The following IGF2BP1 variants were observed in gnomAD, a reference collection of about 807,000 sequenced individuals.
The protein encoded by IGF2BP1 is insulin like growth factor 2 mRNA binding protein 1.
IGF2BP1 carries 11 observed loss-of-function variants against 74.9 expected under a neutral mutation model. The ratio of observed to expected loss-of-function variants is 0.15; its 90% CI spans 0.09 to 0.24. The LOEUF (loss-of-function observed/expected upper bound fraction) is 0.24. Ranked by LOEUF, IGF2BP1 falls within the 10% of genes least tolerant of loss-of-function variation. IGF2BP1 has a pLI of 1.00. For missense variants in IGF2BP1, 440 were observed against 757.4 expected (o/e 0.58, Z 4.92); for synonymous variants, 287 against 281.8 (o/e 1.02, Z -0.18).
intron 6 of IGF2BP1, among the ~76,000 whole-genome samples, chr17:49,039,716 C>T (rs902249103): frequency 6.6e-5 from 10 of 152,180 alleles, no homozygotes; most frequent in Admixed American, 2.6e-4. Flanking sequence ...CGTGAGCTCC[C>T]GTGCCTGGCC....
chr17:49,023,867 G>A (rs1387787252), intron 2 of IGF2BP1, among the ~76,000 whole-genome samples: 1 of 150,694 alleles, frequency 6.6e-6, no homozygotes, highest in Admixed American at 6.6e-5. Context: ...GGTGGTGAGC[G>A]AGTGATCTGG....
chr17:48,997,657 CCT>C lies in IGF2BP1; in HGVS notation c.-85_-84del. 1 of 1,389,546 alleles carries C rather than the reference CCT, an allele frequency of 7.2e-7. No individual in the cohort carries two copies. Among genetic ancestry groups the C allele is most frequent in the Non-Finnish European group, 9.9e-7 (1 of 1,014,134 alleles). 86.1% of individuals were successfully genotyped at this position (1,389,546 alleles called of 1,614,324 possible). A position where few individuals can be genotyped will look rare whatever the true frequency, so the allele number is the denominator to read the frequency against. On this transcript the variant is annotated 5_prime_UTR_variant, in exon 1 of 15. Transcript: ENST00000290341. This position sits in a 1 kb window ranked among gnomAD's most constrained non-coding sequence, Gnocchi z 4.8. Reference sequence around the variant, plus strand: ...GAAAGTTTGCGGCTCCTGCCGCCGGCCTCTCCGCCTCTTGGCCTAGGAGGCTC... The same window carrying C: ...GAAAGTTTGCGGCTCCTGCCGCCGGCCTCCGCCTCTTGGCCTAGGAGGCTC...
chr17:49,029,125 C>T lies in IGF2BP1; in HGVS notation c.337+2608C>T, dbSNP rs116429220. 3.1e-3 allele frequency among the ~76,000 whole-genome samples: 479 copies of T among 152,128 alleles called. 2 individuals carry two copies. Among genetic ancestry groups the T allele is most frequent in the African/African-American group, 0.011 (462 of 41,484 alleles). On this transcript the variant is annotated intron_variant, in intron 4 of 14. Transcript: ENST00000290341. ...TGGCCTCATCTGATTTATATTTTTC[C>T]ATAGCAGTCATCACTGTCAAATATT...
chr17:49,048,660 G>A (rs963320908), intron 14 of IGF2BP1, among the ~76,000 whole-genome samples: 23 of 152,032 alleles, frequency 1.5e-4, no homozygotes, highest in African/African-American at 5.3e-4. Context: ...CCCAAACCCC[G>A]GGCCACGGAC....
rs1175033323 is a variant in IGF2BP1 at position 49,054,112 on chromosome 17, CG to C, written c.*4672del. 6 of 152,770 alleles carry C rather than the reference CG, an allele frequency of 3.9e-5. No homozygotes were observed. In the East Asian group the frequency reaches 1.2e-3, roughly 29 times the overall value. The allele number at this position is 152,770 out of a possible 1,614,324, so 9.5% of individuals were successfully genotyped here. A position where few individuals can be genotyped will look rare whatever the true frequency, so the allele number is the denominator to read the frequency against. Reference sequence around the variant, plus strand: ...CTTTGGATACATAAGGCTTCTCTATCGGGGTACGGGACAGGGAGGAGGCCTC... The same window carrying C: ...CTTTGGATACATAAGGCTTCTCTATCGGGTACGGGACAGGGAGGAGGCCTC... On this transcript the variant is annotated 3_prime_UTR_variant, in exon 15 of 15. Transcript: ENST00000290341.
At chr17:48,998,258 C>A (rs1227292029) in intron 1 of IGF2BP1, among the ~76,000 whole-genome samples, 1 of 152,116 alleles carries the variant, frequency 6.6e-6, no homozygotes, top group Non-Finnish European at 1.5e-5. Context: ...CCTGGCTGGG[C>A]GTTATTTCCA....
rs2041428760 is a variant in IGF2BP1 at position 48,997,977 on chromosome 17, C to T, written c.175+57C>T. 6.4e-7 allele frequency: 1 copy of T among 1,563,026 alleles called. No homozygotes were observed. The highest frequency in any genetic ancestry group is 8.7e-7 in the Non-Finnish European group (1 of 1,148,716). ...CAACGAGAGCCCCGAACAACGGAGA[C>T]CCGCACCTTCCGGTTCCTCTCCCGC... On this transcript the variant is annotated intron_variant, in intron 1 of 14. Transcript: ENST00000290341. The surrounding 1 kb of genome is among the most constrained non-coding windows in gnomAD (Gnocchi z 4.8).
Position 49,031,992 on chromosome 17 carries a change from G to C in IGF2BP1, c.401+19G>C. ...CCAGGCAGTGAGTGGGCTGGGAAGT[G>C]GGGCTGGGTGCGGTGGGGGGGGGTT... On this transcript the variant is annotated intron_variant, in intron 5 of 14. Transcript: ENST00000290341. 6.3e-7 allele frequency: 1 copy of C among 1,595,604 alleles called. No individual in the cohort carries two copies. Among genetic ancestry groups the C allele is most frequent in the Non-Finnish European group, 8.6e-7 (1 of 1,168,800 alleles).
At chr17:49,048,338 C>T (rs1261896110) in intron 14 of IGF2BP1, among the ~76,000 whole-genome samples, 3 of 151,306 alleles carry the variant, frequency 2.0e-5, no homozygotes, top group Non-Finnish European at 2.9e-5. Flanking sequence ...CTGCAACTTC[C>T]GCCTCCCCTG....
At chr17:48,998,014 TTCCCGGGCCTGC>T in intron 1 of IGF2BP1, 94 bp downstream of exon 1, 1 of 1,418,258 alleles carries the variant, frequency 7.1e-7, no homozygotes, top group Non-Finnish European at 9.6e-7. Context: ...AACTCCTCTC[TTCCCGGGCCTGC>T]GGGGTTTGGC....
chr17:49,010,966 G>A (rs2041609650), intron 2 of IGF2BP1, among the ~76,000 whole-genome samples: 1 of 151,240 alleles, frequency 6.6e-6, no homozygotes, highest in Non-Finnish European at 1.5e-5. Flanking sequence ...TTGAAACCCC[G>A]TCTCTACTAA....
In IGF2BP1 at chr17:48,997,916, C is replaced by A. The variant is rs987277426; in HGVS notation, c.171C>A (p.Phe57Leu). The part of the protein sequence containing the change: ...EHWAMKAIET[F>L]SGKVELQGKR... ...GGGCGATGAAGGCCATCGAAACTTT[C>A]TCCGGTAAGAACACAGCCACCTCCC... is the stretch of plus-strand genomic sequence containing the variant. Residue 57 changes from phenylalanine to leucine, a missense_variant, in exon 1 of 15, where the codon TTC (phenylalanine) becomes TTA (leucine). Coordinates refer to ENST00000290341, the MANE Select transcript of IGF2BP1 (RefSeq NM_006546.4). This position sits in a 1 kb window ranked among gnomAD's most constrained non-coding sequence, Gnocchi z 4.8. 2 of 1,613,818 alleles carry A rather than the reference C, an allele frequency of 1.2e-6. No homozygotes were observed. The highest frequency in any genetic ancestry group is 1.7e-5 in the Admixed American group (1 of 59,954).
chr17:49,013,205 C>CTT (rs946343685), intron 2 of IGF2BP1, among the ~76,000 whole-genome samples: 3 of 148,208 alleles, frequency 2.0e-5, no homozygotes, highest in African/African-American at 7.6e-5. Context: ...CCCAAAAGGG[C>CTT]TGAAAGGTCA....
At chr17:49,043,295 T>C in intron 9 of IGF2BP1, 133 bp from the exon 10 acceptor site, 2 of 1,022,414 alleles carry the variant, frequency 2.0e-6, no homozygotes, top group Non-Finnish European at 2.9e-6. Flanking sequence ...CAGAATAGGC[T>C]TTTGTGGAAA....
Position 49,041,663 on chromosome 17 carries a change from G to A in IGF2BP1, c.941+163G>A, listed in dbSNP as rs150376432. ...GGTAAAGAGCATTTAAAAAATCCCTGTAAGGACTGGATCTGCCCATTCCCA... is the reference window on the plus strand; with the variant it reads ...GGTAAAGAGCATTTAAAAAATCCCTATAAGGACTGGATCTGCCCATTCCCA... On this transcript the variant is annotated intron_variant, in intron 8 of 14. Coordinates refer to ENST00000290341, the MANE Select transcript of IGF2BP1 (RefSeq NM_006546.4). Among the ~76,000 whole-genome samples the A allele has an allele frequency of 2.6e-5, 4 of 152,306 alleles. No individual in the cohort carries two copies. In the East Asian group the frequency reaches 7.7e-4, roughly 29 times the overall value.
chr17:49,045,799 A>G, intron 12 of IGF2BP1, 91 bp from the exon 13 acceptor site: 6 of 1,436,112 alleles, frequency 4.2e-6, no homozygotes, highest in Non-Finnish European at 5.7e-6. Flanking sequence ...CCTGTGGGCC[A>G]GAAAATATGG....
chr17:49,049,198 C>T (rs1486611304), intron 14 of IGF2BP1, among the ~76,000 whole-genome samples, 154 bp from the exon 15 acceptor site: 1 of 152,140 alleles, frequency 6.6e-6, no homozygotes, highest in South Asian at 2.1e-4. Context: ...AATGTAAGGT[C>T]ACCCCAACCC....
At position 48,997,601 on chromosome 17, in the gene IGF2BP1, G is replaced by A. The variant is rs1598115557; in HGVS notation, c.-145G>A. On this transcript the variant is annotated 5_prime_UTR_variant, in exon 1 of 15. Coordinates refer to ENST00000290341, the MANE Select transcript of IGF2BP1 (RefSeq NM_006546.4). The surrounding 1 kb of genome is among the most constrained non-coding windows in gnomAD (Gnocchi z 4.8). ...CCTCAGGCCGCCTTCCCCGCCCTGG[G>A]CTCGGGACAACTTCTGGGGTGGGGT... 8.2e-6 allele frequency: 7 copies of A among 855,364 alleles called. No homozygotes were observed. Among genetic ancestry groups the A allele is most frequent in the East Asian group, 2.7e-5 (1 of 37,126 alleles). The allele number at this position is 855,364 out of a possible 1,614,324, so 53.0% of individuals were successfully genotyped here. A position where few individuals can be genotyped will look rare whatever the true frequency, so the allele number is the denominator to read the frequency against.
At position 49,046,388 on chromosome 17, in the gene IGF2BP1, C is replaced by A; in HGVS notation, c.1641+15C>A. Reference sequence around the variant, plus strand: ...ATGCCAGTCAGGTACATATGGTGCTCCCCCATTGAGGGAGGGCTGCAGGAG... The same window carrying A: ...ATGCCAGTCAGGTACATATGGTGCTACCCCATTGAGGGAGGGCTGCAGGAG... On this transcript the variant is annotated intron_variant, in intron 14 of 14. Transcript: ENST00000290341. 6.3e-7 allele frequency: 1 copy of A among 1,590,200 alleles called. No homozygotes were observed. Among genetic ancestry groups the A allele is most frequent in the East Asian group, 2.2e-5 (1 of 44,720 alleles).
Sources: allele counts gnomAD v4.1 joint callset (sites outside exome capture counted in the v4.1 genomes callset), GRCh38; gene constraint gnomAD v4.1.1; non-coding constraint Gnocchi (gnomAD v3.1); transcripts MANE v1.5; gene names NCBI Gene and HGNC (gene_info 2026-07-23, HGNC 2026-07-21).